Variants in ACIN1 observed in about 807,000 individuals in gnomAD.
ACIN1 encodes the protein apoptotic chromatin condensation inducer 1, also known as apoptotic chromatin condensation inducer in the nucleus.
A neutral mutation model predicts 146.6 loss-of-function variants in ACIN1; 16 were observed. The observed-to-expected ratio is 0.11, with a 90% CI of 0.07 to 0.17. The LOEUF (loss-of-function observed/expected upper bound fraction) is 0.17, where lower values mean the gene tolerates loss of function less well. Among genes scored for constraint, ACIN1 ranks in the 10% least tolerant of loss-of-function variants. The pLI is 1.00. For missense variants in ACIN1, 1,357 were observed against 1,609.3 expected (o/e 0.84, Z 2.68); for synonymous variants, 569 against 582.7 (o/e 0.98, Z 0.34).
intron 9 of ACIN1, 123 bp from the exon 10 acceptor site, chr14:23,066,131 G>A: frequency 2.9e-6 from 2 of 693,504 alleles, no homozygotes; most frequent in Non-Finnish European, 4.8e-6. Flanking sequence ...GTGAGAGAGA[G>A]AGACAGAGAG....
chr14:23,095,328 T>C, upstream of ACIN1: 1 of 1,553,604 alleles, frequency 6.4e-7, no homozygotes, highest in East Asian at 2.3e-5. Context: ...CAGCGCCCCT[T>C]TTCTCGCCCT....
Position 23,080,692 on chromosome 14 carries a change from C to T in ACIN1, c.643G>A (p.Glu215Lys), listed in dbSNP as rs1348667549. The T allele has an allele frequency of 6.2e-7, 1 of 1,613,820 alleles. No individual in the cohort carries two copies. The highest frequency in any genetic ancestry group is 8.5e-7 in the Non-Finnish European group (1 of 1,179,970). Residue 215 changes from glutamate to lysine, a missense_variant, in exon 6 of 19, where the codon GAA becomes AAA. This residue lies in a region of ACIN1 where 771 missense variants were observed against 746.6 expected (regional missense o/e 1.03). Coordinates refer to ENST00000605057, the MANE Select transcript of ACIN1 (RefSeq NM_001386863.1). ...ADRNLKTEEE[E>K]EEEEEEEEDD... Reference sequence around the variant, plus strand: ...TCTTCCTCCTCCTCCTCCTCCTCTTCTTCCTCCTCTGTTTTCAAATTTCGA... The same window carrying T: ...TCTTCCTCCTCCTCCTCCTCCTCTTTTTCCTCCTCTGTTTTCAAATTTCGA...
intron 4 of ACIN1, among the ~76,000 whole-genome samples, chr14:23,083,505 G>T (rs959792856): frequency 1.3e-5 from 2 of 152,160 alleles, no homozygotes; most frequent in African/African-American, 4.8e-5. Context: ...GGTCGAGGCA[G>T]GCGGATCACG....
chr14:23,095,446 C>T, upstream of ACIN1: 4 of 1,060,022 alleles, frequency 3.8e-6, no homozygotes, highest in Non-Finnish European at 5.3e-6. Flanking sequence ...TATTTCCGGA[C>T]CTAGAGATGA....
At chr14:23,071,416 T>TA (rs1372758415) in intron 8 of ACIN1, 41 of 1,551,450 alleles carry the variant, frequency 2.6e-5, no homozygotes, top group South Asian at 4.8e-5. Flanking sequence ...AGATAAGCGT[T>TA]AAGTCCTCAC....
At chr14:23,069,297 C>A in intron 9 of ACIN1, 179 bp downstream of exon 9, 6 of 1,308,004 alleles carry the variant, frequency 4.6e-6, no homozygotes, top group Non-Finnish European at 5.8e-6. Flanking sequence ...CTGTCCCCGT[C>A]ACAAGGGGTC....
At position 23,092,331 on chromosome 14, in the gene ACIN1, G is replaced by C. The variant is rs114960007; in HGVS notation, c.204+1148C>G. On this transcript the variant is annotated intron_variant, in intron 2 of 18. Transcript: ENST00000605057. ...GGCACTCAATGGACATTGTTGAAGG[G>C]TGGGTTGCATGTGTATTACAGAATA... Among the ~76,000 whole-genome samples, 942 of 152,334 alleles carry C rather than the reference G, an allele frequency of 6.2e-3. 15 individuals are homozygous for C. The highest frequency in any genetic ancestry group is 0.022 in the African/African-American group (910 of 41,572).
intron 18 of ACIN1, among the ~76,000 whole-genome samples, chr14:23,060,442 A>G (rs915274208): frequency 3.3e-5 from 5 of 152,214 alleles, no homozygotes; most frequent in African/African-American, 1.2e-4. Flanking sequence ...TAAAGATGCA[A>G]AAACTCTTAA....
chr14:23,093,692 T>A, intron 1 of ACIN1, 148 bp from the exon 2 acceptor site: 2 of 651,200 alleles, frequency 3.1e-6, no homozygotes, highest in Non-Finnish European at 5.3e-6. Flanking sequence ...GAAAACCCTT[T>A]ACTAACACTG....
chr14:23,067,040 G>A lies in ACIN1; in HGVS notation c.2266-1032C>T, dbSNP rs894802596. 5.3e-5 allele frequency among the ~76,000 whole-genome samples: 8 copies of A among 151,916 alleles called. No individual in the cohort carries two copies. Among genetic ancestry groups the A allele is most frequent in the South Asian group, 2.1e-4 (1 of 4,798 alleles). On this transcript the variant is annotated intron_variant, in intron 9 of 18. Transcript: ENST00000605057. This position sits in a 1 kb window ranked among gnomAD's most constrained non-coding sequence, Gnocchi z 4.6. ...CCCATCCACCCCCACCCGCAGCCCC[G>A]TTTGTGTCGTCTAACCAAGTCTCCT...
rs2047209094 is a variant in ACIN1 at position 23,059,734 on chromosome 14, A to G, written c.3526-260T>C. Among the ~76,000 whole-genome samples the G allele has an allele frequency of 4.7e-5, 7 of 148,222 alleles. No individual in the cohort carries two copies. In the South Asian group the frequency reaches 1.5e-3, roughly 31 times the overall value. Reference sequence around the variant, plus strand: ...AGTGGCACGATCTCGGCTCACTGCAAGCTCCACCTCCCGGGTTCACACCAT... The same window carrying G: ...AGTGGCACGATCTCGGCTCACTGCAGGCTCCACCTCCCGGGTTCACACCAT... On this transcript the variant is annotated intron_variant, in intron 18 of 18. Coordinates refer to ENST00000605057, the MANE Select transcript of ACIN1 (RefSeq NM_001386863.1).
Position 23,059,333 on chromosome 14 carries a change from G to C in ACIN1, c.3667C>G (p.Arg1223Gly). ...RNRQLEREKR[R>G]EHSRERDRER... is the part of the protein sequence containing the mutation. ...CTGTCCCTCTCCCGACTGTGCTCCC[G>C]ACGTTTCTCTCGCTCCAGCTGTCGG... is the stretch of plus-strand genomic sequence containing the variant. The change falls in exon 19 of 19, where the codon CGG becomes GGG. Residue 1223 changes from arginine (R) to glycine (G), a missense_variant. This residue lies in a region of ACIN1 where 509 missense variants were observed against 719.6 expected (regional missense o/e 0.71). Transcript: ENST00000605057. 1.2e-6 allele frequency: 2 copies of C among 1,604,572 alleles called. No individual in the cohort carries two copies. Among genetic ancestry groups the C allele is most frequent in the Non-Finnish European group, 1.7e-6 (2 of 1,171,598 alleles).
At position 23,089,981 on chromosome 14, in the gene ACIN1, C is replaced by T. The variant is rs1266963107; in HGVS notation, c.436+1G>A. The T allele has an allele frequency of 9.9e-6, 16 of 1,609,080 alleles. No individual in the cohort carries two copies. The highest frequency in any genetic ancestry group is 1.3e-5 in the Non-Finnish European group (15 of 1,177,530). ...AGCGCAGTGGGGAGGGAGATACGTA[C>T]TGGGCGAATGTCTGCTGAGCTCCAG... On this transcript the variant is annotated splice_donor_variant, in intron 4 of 18. Coordinates refer to ENST00000605057, the MANE Select transcript of ACIN1 (RefSeq NM_001386863.1). LOFTEE classifies it high-confidence loss of function.
At position 23,060,993 on chromosome 14, in the gene ACIN1, C is replaced by T. The variant is rs1399434297; in HGVS notation, c.3525+91G>A. ...TCCTAAACCTAGGAAGTACTTGGGC[C>T]GACTCACTCTCGCAGTCACATGAAT... On this transcript the variant is annotated intron_variant, in intron 18 of 18. Coordinates refer to ENST00000605057, the MANE Select transcript of ACIN1 (RefSeq NM_001386863.1). The T allele has an allele frequency of 8.2e-5, 102 of 1,240,100 alleles. 2 individuals carry two copies. Among genetic ancestry groups the T allele is most frequent in the South Asian group, 4.6e-4 (37 of 81,220 alleles). The allele number at this position is 1,240,100 out of a possible 1,614,324, so 76.8% of individuals were successfully genotyped here.
At chr14:23,069,927 T>C (rs1490585647) in intron 8 of ACIN1, among the ~76,000 whole-genome samples, 1 of 152,046 alleles carries the variant, frequency 6.6e-6, no homozygotes. Flanking sequence ...AGTACTCCTA[T>C]ATGAAAGGAG....
chr14:23,067,551 A>T lies in ACIN1; in HGVS notation c.2266-1543T>A, dbSNP rs1477080864. 1 of 985,936 alleles carries T rather than the reference A, an allele frequency of 1.0e-6. No individual in the cohort carries two copies. The highest frequency in any genetic ancestry group is 1.2e-6 in the Non-Finnish European group (1 of 830,204). 61.1% of individuals were successfully genotyped at this position (985,936 alleles called of 1,614,324 possible). On this transcript the variant is annotated intron_variant, in intron 9 of 18. Coordinates refer to ENST00000605057, the MANE Select transcript of ACIN1 (RefSeq NM_001386863.1). The surrounding 1 kb of genome is among the most constrained non-coding windows in gnomAD (Gnocchi z 4.6). ...ACGCTGCCCAGTTTCCATGATGTCA[A>T]GACAGTTCACTGGCGGTGGCCAGGC...
chr14:23,060,062 A>G lies in ACIN1; in HGVS notation c.3526-588T>C, dbSNP rs1210941001. On this transcript the variant is annotated intron_variant, in intron 18 of 18. Transcript: ENST00000605057. ...GGTCTCCGACTCGCAGGTTCAAGTG[A>G]TTCTCCTGCCTCAGCCTCCCTAGTA... Among the ~76,000 whole-genome samples the G allele has an allele frequency of 3.4e-5, 5 of 146,740 alleles. No individual in the cohort carries two copies. The Admixed American group carries it at 3.5e-4, about 10-fold the overall frequency.
At chr14:23,065,885 G>A in intron 10 of ACIN1, 81 bp downstream of exon 10, 1 of 1,325,666 alleles carries the variant, frequency 7.5e-7, no homozygotes, top group Non-Finnish European at 1.1e-6. Context: ...GAATGCCATT[G>A]AGAATGAAAT....
At chr14:23,060,457 C>T in intron 18 of ACIN1, among the ~76,000 whole-genome samples, 1 of 151,934 alleles carries the variant, frequency 6.6e-6, no homozygotes, top group East Asian at 1.9e-4. Flanking sequence ...TCTTAAAAAG[C>T]AGGGAAATGA....
Sources: gnomAD v4.1 joint callset for allele counts (sites outside exome capture counted in the v4.1 genomes callset) on GRCh38, gnomAD v4.1.1 for gene constraint, gnomAD v4.1.1 regional missense constraint, Gnocchi (gnomAD v3.1) non-coding constraint, MANE v1.5 for transcripts, NCBI Gene and HGNC (gene_info 2026-07-23, HGNC 2026-07-21) for gene names.